Variants in KIR2DL3 observed in about 807,000 individuals in gnomAD.
The protein encoded by KIR2DL3 is killer cell immunoglobulin-like receptor 2DL3.
In KIR2DL3, 39 loss-of-function variants were observed where a neutral mutation model predicts 33.8. The ratio of observed to expected loss-of-function variants is 1.15; its 90% CI spans 0.89 to 1.51. KIR2DL3 has a LOEUF of 1.51. KIR2DL3 is among the 40% of genes most tolerant of loss of function. KIR2DL3 has a pLI of 0.00. For synonymous variants in KIR2DL3, 174 were observed against 160.2 expected, an observed-to-expected ratio of 1.09 and a Z score of -0.65; for missense variants, 462 against 426.2, an observed-to-expected ratio of 1.08 and a Z score of -0.74.
Position 54,750,346 on chromosome 19 carries a change from G to A in KIR2DL3, c.716-1303G>A, listed in dbSNP as rs531279663. On this transcript the variant is annotated intron_variant, in intron 5 of 7. Transcript: ENST00000342376. ...AATTCACAGGAGGACAGGTGGTATTGAAGCAATAGATGGCCGAGGGGGTGG... is the reference window on the plus strand; with the variant it reads ...AATTCACAGGAGGACAGGTGGTATTAAAGCAATAGATGGCCGAGGGGGTGG... 2.1e-5 allele frequency among the ~76,000 whole-genome samples: 3 copies of A among 141,706 alleles called. No homozygotes were observed. The South Asian group carries it at 6.9e-4, about 33-fold the overall frequency. 93.0% of individuals were successfully genotyped at this position (141,706 alleles called of 152,430 possible).
intron 3 of KIR2DL3, among the ~76,000 whole-genome samples, chr19:54,742,644 C>T (rs1345232443): frequency 2.6e-5 from 4 of 151,252 alleles, no homozygotes; most frequent in Non-Finnish European, 4.4e-5. Flanking sequence ...ACCAGGAGAA[C>T]CCAAGGACAC....
chr19:54,745,565 T>A (rs1240082591), intron 4 of KIR2DL3, among the ~76,000 whole-genome samples: 8 of 151,260 alleles, frequency 5.3e-5, no homozygotes, highest in African/African-American at 1.7e-4. Context: ...GGTTTCCCCA[T>A]GTTGGCTGGG....
rs2071305143 is a variant in KIR2DL3, at chr19:54,742,245, A to G, written c.336A>G (p.Ser112=). 3 of 1,614,178 alleles carry G rather than the reference A, an allele frequency of 1.9e-6. No individual in the cohort carries two copies. The highest frequency in any genetic ancestry group is 2.7e-5 in the African/African-American group (2 of 75,030). The part of the protein sequence containing the change: ...GSVTHSPYQL[S]APSDPLDIVI... ...TTACTCACTCCCCCTATCAGTTGTC[A>G]GCTCCCAGTGACCCTCTGGACATCG... is the stretch of plus-strand genomic sequence containing the variant. Residue 112 remains serine (S), a synonymous_variant, in exon 3 of 8, where the codon TCA becomes TCG. Coordinates refer to ENST00000342376, the MANE Select transcript of KIR2DL3 (RefSeq NM_015868.3).
In KIR2DL3 at chr19:54,744,064, G is replaced by C. The variant is rs1281122481; in HGVS notation, c.640G>C (p.Asp214His). 3.7e-5 allele frequency: 60 copies of C among 1,614,108 alleles called. No homozygotes were observed. Among genetic ancestry groups the C allele is most frequent in the Non-Finnish European group, 3.4e-6 (4 of 1,180,058 alleles). ...DSPYEWSNSS[D>H]PLLVSVTGNP... ...TCCATACGAGTGGTCAAACTCGAGT[G>C]ACCCACTGCTTGTTTCTGTCACAGG... Residue 214 changes from aspartate (D) to histidine (H), a missense_variant, in exon 4 of 8, where the codon GAC becomes CAC. Transcript: ENST00000342376.
At chr19:54,741,445 G>A (rs1243335891) in intron 2 of KIR2DL3, among the ~76,000 whole-genome samples, 1 of 152,116 alleles carries the variant, frequency 6.6e-6, no homozygotes, top group East Asian at 1.9e-4. Flanking sequence ...ATCCACATAG[G>A]GAGGGGTTGA....
intron 2 of KIR2DL3, among the ~76,000 whole-genome samples, 158 bp downstream of exon 2, chr19:54,739,700 A>T (rs562779920): frequency 6.0e-5 from 9 of 150,352 alleles, no homozygotes; most frequent in East Asian, 3.9e-4. Flanking sequence ...TGGCCTCTCA[A>T]CCCCTTGGCA....
chr19:54,746,244 A>C, intron 4 of KIR2DL3, among the ~76,000 whole-genome samples: 1 of 132,536 alleles, frequency 7.5e-6, no homozygotes, highest in Non-Finnish European at 1.7e-5. Flanking sequence ...TTTCAATTAA[A>C]TCGTTTGTTT....
chr19:54,749,020 A>C (rs1283866114), intron 5 of KIR2DL3, among the ~76,000 whole-genome samples: 1 of 152,026 alleles, frequency 6.6e-6, no homozygotes, highest in Non-Finnish European at 1.5e-5. Context: ...TTAATGAAAA[A>C]CACGGATTGA....
chr19:54,744,294 A>G (rs1188089246), intron 4 of KIR2DL3, among the ~76,000 whole-genome samples: 4 of 152,110 alleles, frequency 2.6e-5, no homozygotes, highest in South Asian at 2.1e-4. Context: ...CCAGGGCTCC[A>G]GGCACACAGG....
At chr19:54,747,279 T>G (rs62122557) in intron 4 of KIR2DL3, 56 bp from the exon 5 acceptor site, 1 of 1,265,688 alleles carries the variant, frequency 7.9e-7, no homozygotes, top group South Asian at 1.3e-5. Flanking sequence ...AAGATTTCCA[T>G]TGAGTAGAGG....
At chr19:54,744,952 ATATTTTTTTTTTTT>A (rs2072178821) in intron 4 of KIR2DL3, among the ~76,000 whole-genome samples, 4 of 27,224 alleles carry the variant, frequency 1.5e-4, no homozygotes, top group African/African-American at 5.6e-4. Context: ...ATATATATAT[ATATTTTTTTTTTTT>A]TTTTTTTTTT....
rs1460255834 is a variant in KIR2DL3, at chr19:54,743,975, A to C, written c.551A>C (p.Asp184Ala). ...AAGGTCAACGGAACATTCCAGGCCGACTTTCCTCTGGGCCCTGCCACCCAC... is the reference window on the plus strand; with the variant it reads ...AAGGTCAACGGAACATTCCAGGCCGCCTTTCCTCTGGGCCCTGCCACCCAC... ...GPKVNGTFQADFPLGPATHGG... is the reference protein window; with the variant it reads ...GPKVNGTFQAAFPLGPATHGG... Residue 184 changes from aspartate to alanine, a missense_variant, in exon 4 of 8, where the codon GAC becomes GCC. Coordinates refer to ENST00000342376, the MANE Select transcript of KIR2DL3 (RefSeq NM_015868.3). 1.2e-6 allele frequency: 2 copies of C among 1,614,106 alleles called. No homozygotes were observed. Among genetic ancestry groups the C allele is most frequent in the East Asian group, 4.5e-5 (2 of 44,898 alleles).
intron 5 of KIR2DL3, among the ~76,000 whole-genome samples, chr19:54,751,004 C>T (rs867201510): frequency 7.6e-6 from 1 of 131,448 alleles, no homozygotes. Flanking sequence ...GATCTCAGGA[C>T]GTTGCTGTCT....
chr19:54,740,479 T>A (rs1270687882), intron 2 of KIR2DL3, among the ~76,000 whole-genome samples: 1 of 151,376 alleles, frequency 6.6e-6, no homozygotes, highest in Non-Finnish European at 1.5e-5. Context: ...GACATACAGA[T>A]GTCGGGGTTC....
In KIR2DL3 at chr19:54,739,477, T is replaced by A. The variant is rs1467900943; in HGVS notation, c.35-30T>A. 9 of 1,613,852 alleles carry A rather than the reference T, an allele frequency of 5.6e-6. 1 individual carries two copies. Among genetic ancestry groups the A allele is most frequent in the Admixed American group, 1.7e-5 (1 of 60,002 alleles). ...AAGGGAGGCCTGGTTTGCCTGCAGA[T>A]GGATGGTCCATCATGATCTTTCTTT... On this transcript the variant is annotated intron_variant, in intron 1 of 7. Transcript: ENST00000342376.
At position 54,751,292 on chromosome 19, in the gene KIR2DL3, G is replaced by C. The variant is rs1200474108; in HGVS notation, c.716-357G>C. On this transcript the variant is annotated intron_variant, in intron 5 of 7. Transcript: ENST00000342376. Reference sequence around the variant, plus strand: ...ACAACCAGCTCTCCAGGAACTAATAGAAGGGGAACTTGCTAACCCCGTCTC... The same window carrying C: ...ACAACCAGCTCTCCAGGAACTAATACAAGGGGAACTTGCTAACCCCGTCTC... 6.1e-5 allele frequency among the ~76,000 whole-genome samples: 8 copies of C among 131,350 alleles called. 1 individual carries two copies. Among genetic ancestry groups the C allele is most frequent in the Non-Finnish European group, 9.9e-5 (6 of 60,322 alleles). The allele number at this position is 131,350 out of a possible 152,430, so 86.2% of individuals were successfully genotyped here.
Position 54,751,108 on chromosome 19 carries a change from G to A in KIR2DL3, c.716-541G>A, listed in dbSNP as rs527344121. The stretch of plus-strand genomic sequence containing the variant: ...GCCTCACAGTTCTGCAGGCTGTACT[G>A]GAAGCGTGGCACCAGCATCTATTTC... On this transcript the variant is annotated intron_variant, in intron 5 of 7. Coordinates refer to ENST00000342376, the MANE Select transcript of KIR2DL3 (RefSeq NM_015868.3). Among the ~76,000 whole-genome samples the A allele has an allele frequency of 1.3e-3, 167 of 132,324 alleles. 40 individuals are homozygous for A. The highest frequency in any genetic ancestry group is 3.9e-3 in the Middle Eastern group (1 of 254). The allele number at this position is 132,324 out of a possible 152,430, so 86.8% of individuals were successfully genotyped here.
In KIR2DL3 at chr19:54,744,870, TTATA is replaced by T. The variant is rs1185648350; in HGVS notation, c.664+807_664+810del. Among the ~76,000 whole-genome samples the T allele has an allele frequency of 3.7e-3, 288 of 78,416 alleles. 4 individuals carry two copies. Among genetic ancestry groups the T allele is most frequent in the African/African-American group, 5.7e-3 (121 of 21,322 alleles). 51.4% of individuals were successfully genotyped at this position (78,416 alleles called of 152,430 possible). ...TAAAGTCTAGTGGTCATAAATACATTTATATATATATATATATATATATATATAC... is the reference window on the plus strand; with the variant it reads ...TAAAGTCTAGTGGTCATAAATACATTTATATATATATATATATATATATAC... On this transcript the variant is annotated intron_variant, in intron 4 of 7. Coordinates refer to ENST00000342376, the MANE Select transcript of KIR2DL3 (RefSeq NM_015868.3).
chr19:54,742,316 G>T (rs1222456683), intron 3 of KIR2DL3, 37 bp downstream of exon 3: 9 of 1,609,280 alleles, frequency 5.6e-6, no homozygotes, highest in Non-Finnish European at 7.6e-6. Context: ...TCATTGGGAT[G>T]CAGAGTGAAT....
Sources: gnomAD v4.1 joint callset for allele counts (sites outside exome capture counted in the v4.1 genomes callset) on GRCh38, gnomAD v4.1.1 for gene constraint, MANE v1.5 for transcripts, NCBI Gene and HGNC (gene_info 2026-07-23, HGNC 2026-07-21) for gene names.